The following GLB1 variants were observed in gnomAD, a reference collection of about 807,000 sequenced individuals.
GLB1 encodes the protein beta-galactosidase.
Under a neutral mutation model 74.0 loss-of-function variants are expected in GLB1, and 56 were observed. The ratio of observed to expected loss-of-function variants is 0.76; its 90% CI spans 0.61 to 0.94. The LOEUF is 0.94. GLB1 is among the 40% of genes least tolerant of loss of function. The pLI, the probability that GLB1 is intolerant of heterozygous loss-of-function variation, is 0.00. For missense variants in GLB1, 787 were observed against 845.5 expected (o/e 0.93, Z 0.86); for synonymous variants, 323 against 323.6 (o/e 1.00, Z 0.02).
intron 10 of GLB1, 86 bp from the exon 11 acceptor site, chr3:33,024,411 C>T: frequency 6.9e-7 from 1 of 1,439,340 alleles, no homozygotes; most frequent in Non-Finnish European, 9.4e-7. Context: ...TATTTGAAAG[C>T]AAGGTCAAAG....
At chr3:33,007,169 A>T (rs73826335) in intron 15 of GLB1, among the ~76,000 whole-genome samples, 9,980 of 152,224 alleles carry the variant, frequency 0.066, 392 homozygotes, top group African/African-American at 0.086. Flanking sequence ...GGACCTTCAC[A>T]CGCATTCAGT....
chr3:32,981,413 A>AG, the GLB1 span, among the ~76,000 whole-genome samples: 1 of 147,872 alleles, frequency 6.8e-6, no homozygotes, highest in African/African-American at 2.5e-5. Flanking sequence ...AAAAAAAAAA[A>AG]AAAGAAAAAG....
the GLB1 span, among the ~76,000 whole-genome samples, chr3:32,972,980 G>A: frequency 6.6e-6 from 1 of 152,166 alleles, no homozygotes; most frequent in Admixed American, 6.5e-5. Context: ...CACAAAACAT[G>A]TTTTTCCTTG....
In GLB1 at chr3:33,093,274, A is replaced by C. The variant is rs759691081; in HGVS notation, c.75+3737T>G. 1.1e-5 allele frequency: 17 copies of C among 1,614,030 alleles called. No homozygotes were observed. The highest frequency in any genetic ancestry group is 1.7e-5 in the Admixed American group (1 of 60,002). On this transcript the variant is annotated intron_variant, in intron 1 of 15. Coordinates refer to ENST00000307363, the MANE Select transcript of GLB1 (RefSeq NM_000404.4). This position sits in a 1 kb window ranked among gnomAD's most constrained non-coding sequence, Gnocchi z 6.0. ...CCACCACGTTGGGCCCGTGTGGCGGAAATCTTCACGTTCTCATTATGAAGA... is the reference window on the plus strand; with the variant it reads ...CCACCACGTTGGGCCCGTGTGGCGGCAATCTTCACGTTCTCATTATGAAGA...
At chr3:32,986,858 T>C in the GLB1 span, among the ~76,000 whole-genome samples, 1 of 152,202 alleles carries the variant, frequency 6.6e-6, no homozygotes, top group Non-Finnish European at 1.5e-5. Context: ...CCCAAACTGC[T>C]GGGATTACAG....
chr3:32,963,037 T>C, the GLB1 span, among the ~76,000 whole-genome samples: 1 of 152,182 alleles, frequency 6.6e-6, no homozygotes, highest in Non-Finnish European at 1.5e-5. Flanking sequence ...TAAATTAATA[T>C]GTATGTTAAA....
the GLB1 span, among the ~76,000 whole-genome samples, chr3:32,982,195 C>T: frequency 2.6e-5 from 4 of 151,748 alleles, no homozygotes; most frequent in Non-Finnish European, 4.4e-5. Flanking sequence ...TGCCTGTAAT[C>T]ACAGCTCCTT....
At chr3:33,073,771 G>A (rs1340692231) in intron 1 of GLB1, among the ~76,000 whole-genome samples, 1 of 152,060 alleles carries the variant, frequency 6.6e-6, no homozygotes, top group Non-Finnish European at 1.5e-5. Flanking sequence ...CACTTTGAGA[G>A]GCCAAGGTTG....
At chr3:33,066,811 T>C (rs1162872261) in intron 4 of GLB1, among the ~76,000 whole-genome samples, 1 of 152,100 alleles carries the variant, frequency 6.6e-6, no homozygotes, top group African/African-American at 2.4e-5. Flanking sequence ...GGCATAAAGA[T>C]TAAATGAGTT....
chr3:33,058,209 T>C lies in GLB1; in HGVS notation c.613A>G (p.Lys205Glu), dbSNP rs1699298100. The C allele has an allele frequency of 6.2e-7, 1 of 1,614,044 alleles. No individual in the cohort carries two copies. The highest frequency in any genetic ancestry group is 1.1e-5 in the South Asian group (1 of 91,090). ...TCCCCCAGATGGTGGCGAAAGCGCT[T>C]CTGCAGGAAGCGCAGGTAGTCAAAA... Reference protein sequence around the residue: ...CDFDYLRFLQKRFRHHLGDDV... With the variant: ...CDFDYLRFLQERFRHHLGDDV... The change falls in exon 6 of 16, where the codon AAG becomes GAG. Residue 205 changes from lysine to glutamate, a missense_variant. Coordinates refer to ENST00000307363, the MANE Select transcript of GLB1 (RefSeq NM_000404.4).
intron 9 of GLB1, 71 bp downstream of exon 9, chr3:33,051,687 C>T (rs1698996271): frequency 6.2e-7 from 1 of 1,607,016 alleles, no homozygotes; most frequent in Non-Finnish European, 8.5e-7. Context: ...TGTCTGTGGG[C>T]ACACCCCTCC....
At chr3:33,067,209 G>T (rs1243842156) in intron 4 of GLB1, among the ~76,000 whole-genome samples, 1 of 151,962 alleles carries the variant, frequency 6.6e-6, no homozygotes, top group Non-Finnish European at 1.5e-5. Flanking sequence ...CCTCATGTTG[G>T]TCAGGCTGGT....
At chr3:32,978,056 G>A in the GLB1 span, among the ~76,000 whole-genome samples, 1 of 152,180 alleles carries the variant, frequency 6.6e-6, no homozygotes, top group Non-Finnish European at 1.5e-5. Flanking sequence ...ACTATACACC[G>A]CAGAAGGTAC....
intron 15 of GLB1, among the ~76,000 whole-genome samples, chr3:33,002,720 T>A (rs554445034): frequency 2.3e-4 from 35 of 152,322 alleles, no homozygotes; most frequent in Admixed American, 2.0e-3. Context: ...CACTACTGTT[T>A]TAAGTTGTAG....
intron 10 of GLB1, among the ~76,000 whole-genome samples, chr3:33,028,665 A>ATTTTTTTT (rs199938060): frequency 6.7e-6 from 1 of 148,274 alleles, no homozygotes; most frequent in Non-Finnish European, 1.5e-5. Context: ...TTTACCCAAA[A>ATTTTTTTT]ATTTTTTTTT....
At chr3:33,092,488 G>A in intron 1 of GLB1, 1 of 1,065,078 alleles carries the variant, frequency 9.4e-7, no homozygotes, top group South Asian at 4.1e-5. Context: ...ACCTTCTAGA[G>A]GTATGCCTTT....
chr3:32,970,405 G>A, the GLB1 span, among the ~76,000 whole-genome samples: 1 of 152,064 alleles, frequency 6.6e-6, no homozygotes, highest in Non-Finnish European at 1.5e-5. Flanking sequence ...TCAGATTAAA[G>A]GTAATCTCTG....
chr3:33,003,885 C>T (rs1278044025), intron 15 of GLB1, among the ~76,000 whole-genome samples: 4 of 152,114 alleles, frequency 2.6e-5, no homozygotes, highest in Non-Finnish European at 5.9e-5. Flanking sequence ...CAAAAATCAG[C>T]CAGGTATGGT....
chr3:33,093,796 T>C lies in GLB1; in HGVS notation c.75+3215A>G. 1.2e-6 allele frequency: 2 copies of C among 1,613,338 alleles called. No homozygotes were observed. The highest frequency in any genetic ancestry group is 1.7e-6 in the Non-Finnish European group (2 of 1,179,690). ...TAGGCCTGCTCCATGCCGCTGAGGATGAAGAGGAAGAAGAGCATGATGATG... is the reference window on the plus strand; with the variant it reads ...TAGGCCTGCTCCATGCCGCTGAGGACGAAGAGGAAGAAGAGCATGATGATG... On this transcript the variant is annotated intron_variant, in intron 1 of 15. Transcript: ENST00000307363. The surrounding 1 kb of genome is among the most constrained non-coding windows in gnomAD (Gnocchi z 6.0).
Sources: gnomAD v4.1 joint callset for allele counts (sites outside exome capture counted in the v4.1 genomes callset) on GRCh38, gnomAD v4.1.1 for gene constraint, Gnocchi (gnomAD v3.1) non-coding constraint, MANE v1.5 for transcripts, NCBI Gene and HGNC (gene_info 2026-07-23, HGNC 2026-07-21) for gene names.